The following MIPEP variants were observed in gnomAD, a reference collection of about 807,000 sequenced individuals.
MIPEP encodes mitochondrial intermediate peptidase.
MIPEP carries 79 observed loss-of-function variants against 90.3 expected under a neutral mutation model. The ratio of observed to expected loss-of-function variants is 0.87; its 90% confidence interval spans 0.73 to 1.05. MIPEP has a LOEUF of 1.05. Among genes scored for constraint, MIPEP ranks in the 50% least tolerant of loss-of-function variants. MIPEP has a pLI of 0.00. For synonymous variants in MIPEP, 334 were observed against 315.8 expected (o/e 1.06, Z -0.61); for missense variants, 940 against 905.6 (o/e 1.04, Z -0.49).
At chr13:23,816,601 GTTGT>G (rs1056712618) in intron 14 of MIPEP, among the ~76,000 whole-genome samples, 1 of 152,186 alleles carries the variant, frequency 6.6e-6, no homozygotes, top group East Asian at 1.9e-4. Context: ...TCCTTTAATG[GTTGT>G]TTAAGTCCCT....
chr13:23,741,837 A>AT, intron 18 of MIPEP, among the ~76,000 whole-genome samples: 1 of 152,018 alleles, frequency 6.6e-6, no homozygotes, highest in Admixed American at 6.6e-5. Flanking sequence ...AAAAAAAAAA[A>AT]TAAAAGTTAA....
intron 5 of MIPEP, among the ~76,000 whole-genome samples, chr13:23,874,589 TA>T (rs1360028732): frequency 6.6e-6 from 1 of 152,236 alleles, no homozygotes; most frequent in Admixed American, 6.5e-5. Flanking sequence ...TATCTCATCC[TA>T]ATTCCATGAT....
chr13:23,870,088 G>A lies in MIPEP; in HGVS notation c.711C>T (p.His237=), dbSNP rs781620483. ...NKIEKHLLPE[H]IRRNFTSAGD... is the part of the protein sequence containing the mutation. ...CAGCAGATGTAAAGTTACGACGAAT[G>A]TGTTCTGGTAAGAGATGCTTCTCAA... The change falls in exon 6 of 19, where the codon CAC becomes CAT. Residue 237 remains histidine (H), a synonymous_variant. Coordinates refer to ENST00000382172, the MANE Select transcript of MIPEP (RefSeq NM_005932.4). 8 of 1,612,898 alleles carry A rather than the reference G, an allele frequency of 5.0e-6. No individual in the cohort carries two copies. In the South Asian group the frequency reaches 7.7e-5, roughly 16 times the overall value.
At chr13:23,867,237 G>A (rs1356307776) in intron 7 of MIPEP, among the ~76,000 whole-genome samples, 2 of 151,924 alleles carry the variant, frequency 1.3e-5, no homozygotes, top group South Asian at 2.1e-4. Flanking sequence ...CCCACCTCTC[G>A]CCACTCTCCT....
At chr13:23,840,769 A>G (rs1182488286) in intron 11 of MIPEP, among the ~76,000 whole-genome samples, 2 of 152,214 alleles carry the variant, frequency 1.3e-5, no homozygotes, top group Admixed American at 6.5e-5. Context: ...TTAGTGACAC[A>G]CACAGGTCAA....
At chr13:23,768,779 T>C (rs9510853) in intron 16 of MIPEP, among the ~76,000 whole-genome samples, 32,151 of 152,094 alleles carry the variant, frequency 0.21, 4,044 homozygotes, top group East Asian at 0.43. Flanking sequence ...GTATGGCAGA[T>C]GTAATGTTAA....
chr13:23,827,180 T>G (rs1252712034), intron 14 of MIPEP, among the ~76,000 whole-genome samples: 1 of 150,406 alleles, frequency 6.6e-6, no homozygotes, highest in Non-Finnish European at 1.5e-5. Flanking sequence ...GAGATTACAG[T>G]GATAAAGTGG....
chr13:23,800,653 G>A (rs536763879), intron 16 of MIPEP, among the ~76,000 whole-genome samples: 2 of 152,264 alleles, frequency 1.3e-5, no homozygotes, highest in African/African-American at 2.4e-5. Context: ...ACACTAGAAG[G>A]CTATTTATTG....
Position 23,832,401 on chromosome 13 carries a change from T to G in MIPEP, c.1653+3839A>C, listed in dbSNP as rs115641616. On this transcript the variant is annotated intron_variant, in intron 14 of 18. Coordinates refer to ENST00000382172, the MANE Select transcript of MIPEP (RefSeq NM_005932.4). Reference sequence around the variant, plus strand: ...TTAGAAATTATCCATTTTCAGGTATTCTAAGGAACAGAGAACAGACTAATA... The same window carrying G: ...TTAGAAATTATCCATTTTCAGGTATGCTAAGGAACAGAGAACAGACTAATA... Among the ~76,000 whole-genome samples, 385 of 152,158 alleles carry G rather than the reference T, an allele frequency of 2.5e-3. 2 individuals carry two copies. Among genetic ancestry groups the G allele is most frequent in the African/African-American group, 8.8e-3 (367 of 41,492 alleles).
rs78624393 is a variant in MIPEP, at chr13:23,838,096, C to T, written c.1339-340G>A. Among the ~76,000 whole-genome samples the T allele has an allele frequency of 6.3e-3, 964 of 152,236 alleles. 9 individuals carry two copies. Among genetic ancestry groups the T allele is most frequent in the African/African-American group, 0.022 (907 of 41,530 alleles). On this transcript the variant is annotated intron_variant, in intron 12 of 18. Transcript: ENST00000382172. ...CACTAACATTTATTCTGAGTCCCTA[C>T]TATGTGTCAGATAATGAACTAGTAG... is the stretch of plus-strand genomic sequence containing the variant.
chr13:23,732,418 C>T (rs1222064909), intron 18 of MIPEP, among the ~76,000 whole-genome samples: 1 of 152,092 alleles, frequency 6.6e-6, no homozygotes, highest in Non-Finnish European at 1.5e-5. Context: ...TACACTAGGA[C>T]CCAGCAATTT....
chr13:23,858,187 C>G (rs1452510556), intron 10 of MIPEP, among the ~76,000 whole-genome samples: 1 of 151,870 alleles, frequency 6.6e-6, no homozygotes, highest in Non-Finnish European at 1.5e-5. Flanking sequence ...AGTGTGTTCA[C>G]TGTGAAAAGA....
intron 16 of MIPEP, among the ~76,000 whole-genome samples, chr13:23,781,465 G>A (rs9507161): frequency 0.21 from 31,828 of 152,068 alleles, 3,965 homozygotes; most frequent in East Asian, 0.43. Flanking sequence ...CACTAAACAT[G>A]GAAAGGAACA....
chr13:23,877,802 G>C (rs548813461), intron 4 of MIPEP, among the ~76,000 whole-genome samples: 1 of 151,982 alleles, frequency 6.6e-6, no homozygotes, highest in Non-Finnish European at 1.5e-5. Flanking sequence ...TTCTTTCTGG[G>C]TGCTAGCCAA....
At chr13:23,882,497 C>T (rs1035367065) in intron 2 of MIPEP, among the ~76,000 whole-genome samples, 15 of 152,102 alleles carry the variant, frequency 9.9e-5, no homozygotes, top group Non-Finnish European at 2.2e-4. Flanking sequence ...AGTTCGTAGT[C>T]TCCATGTAAT....
At chr13:23,806,971 T>C (rs1566000484) in intron 15 of MIPEP, among the ~76,000 whole-genome samples, 1 of 152,072 alleles carries the variant, frequency 6.6e-6, no homozygotes, top group African/African-American at 2.4e-5. Flanking sequence ...CTCGTGAGTA[T>C]AGATGTATCG....
At chr13:23,833,227 C>A (rs924313817) in intron 14 of MIPEP, among the ~76,000 whole-genome samples, 1 of 152,174 alleles carries the variant, frequency 6.6e-6, no homozygotes, top group African/African-American at 2.4e-5. Context: ...GCTAGGACTG[C>A]ACTTAAGATT....
chr13:23,747,549 G>A (rs1367161910), intron 18 of MIPEP: 3 of 512,692 alleles, frequency 5.9e-6, no homozygotes, highest in African/African-American at 5.8e-5. Context: ...GGCAGGATAG[G>A]AGTAAGAGAA....
chr13:23,746,885 G>A (rs898961118), intron 18 of MIPEP, among the ~76,000 whole-genome samples: 4 of 152,132 alleles, frequency 2.6e-5, no homozygotes, highest in South Asian at 2.1e-4. Context: ...ACCTCTGGAC[G>A]TATCTCAAAA....
Sources: allele counts gnomAD v4.1 joint callset (sites outside exome capture counted in the v4.1 genomes callset), GRCh38; gene constraint gnomAD v4.1.1; transcripts MANE v1.5; gene names NCBI Gene and HGNC (gene_info 2026-07-23, HGNC 2026-07-21).